The following LARGE1 variants were observed in gnomAD, a reference collection of about 807,000 sequenced individuals.
LARGE1 encodes LARGE xylosyl- and glucuronyltransferase 1.
LARGE1 carries 43 observed loss-of-function variants against 87.6 expected under a neutral mutation model. That is an observed-to-expected ratio of 0.49 (90% CI 0.38 to 0.63). The LOEUF is 0.63. Among genes scored for constraint, LARGE1 ranks in the 30% least tolerant of loss-of-function variants. The probability of loss-of-function intolerance (pLI) is 0.00; values close to 1 mark genes in which losing one functional copy is unlikely to be tolerated. For missense variants in LARGE1, 802 were observed against 1,000.2 expected (o/e 0.80, Z 2.67); for synonymous variants, 434 against 394.6 (o/e 1.10, Z -1.18).
chr22:33,318,816 G>C (rs968741436), intron 10 of LARGE1, among the ~76,000 whole-genome samples: 14 of 151,442 alleles, frequency 9.2e-5, no homozygotes, highest in African/African-American at 3.4e-4. Context: ...TGTTAAATCA[G>C]CCTTGTCTAT....
Position 33,636,883 on chromosome 22 carries a change from A to AT in LARGE1, c.409-10558dup, listed in dbSNP as rs2080284424. Among the ~76,000 whole-genome samples, 5 of 152,250 alleles carry AT rather than the reference A, an allele frequency of 3.3e-5. No homozygotes were observed. In the South Asian group the frequency reaches 1.0e-3, roughly 32 times the overall value. Reference sequence around the variant, plus strand: ...TAACTGAGATGACTCGCGTAAAGGGATTAGAGCCTGGTACCTTGTAAGTAA... The same window carrying AT: ...TAACTGAGATGACTCGCGTAAAGGGATTTAGAGCCTGGTACCTTGTAAGTAA... On this transcript the variant is annotated intron_variant, in intron 3 of 14. Transcript: ENST00000397394.
In LARGE1 at chr22:33,625,885, G is replaced by A. The variant is rs190590958; in HGVS notation, c.491+359C>T. On this transcript the variant is annotated intron_variant, in intron 4 of 14. Transcript: ENST00000397394. Reference sequence around the variant, plus strand: ...GAATGAGGGCCTCACCATAAGAATTGTGGTGGACATAACTCAATCCATAAC... The same window carrying A: ...GAATGAGGGCCTCACCATAAGAATTATGGTGGACATAACTCAATCCATAAC... 3.9e-4 allele frequency among the ~76,000 whole-genome samples: 60 copies of A among 152,276 alleles called. No homozygotes were observed. In the East Asian group the frequency reaches 0.011, roughly 28 times the overall value.
intron 11 of LARGE1, among the ~76,000 whole-genome samples, chr22:33,202,536 C>T (rs545131787): frequency 6.6e-6 from 1 of 152,298 alleles, no homozygotes; most frequent in African/African-American, 2.4e-5. Flanking sequence ...AAGGATGACA[C>T]ATAATTTCCT....
At chr22:33,769,540 T>C (rs1291898137) in intron 1 of LARGE1, among the ~76,000 whole-genome samples, 3 of 152,202 alleles carry the variant, frequency 2.0e-5, no homozygotes, top group African/African-American at 7.2e-5. Context: ...GCAGTCTCAC[T>C]GGATATTCAT....
chr22:33,738,052 G>A (rs1166335989), intron 2 of LARGE1, among the ~76,000 whole-genome samples: 1 of 152,150 alleles, frequency 6.6e-6, no homozygotes, highest in East Asian at 1.9e-4. Flanking sequence ...ATGATCTGGG[G>A]GTGTGGAGGT....
At chr22:33,089,378 C>CTTA in the LARGE1 span, among the ~76,000 whole-genome samples, 20 of 134,594 alleles carry the variant, frequency 1.5e-4, no homozygotes, top group African/African-American at 5.5e-4. Flanking sequence ...TCTCCTTCTT[C>CTTA]TTCTTCTTCC....
intron 2 of LARGE1, among the ~76,000 whole-genome samples, chr22:33,675,335 C>T (rs905935040): frequency 1.7e-5 from 2 of 119,816 alleles, no homozygotes; most frequent in African/African-American, 6.0e-5. Flanking sequence ...AAGAGCAGAA[C>T]CTGACCAAGA....
intron 12 of LARGE1, among the ~76,000 whole-genome samples, chr22:33,296,860 C>T (rs1050023815): frequency 6.6e-6 from 1 of 152,170 alleles, no homozygotes; most frequent in Non-Finnish European, 1.5e-5. Flanking sequence ...TAAGCCACTG[C>T]GCCCAGCCCG....
At chr22:33,585,857 C>G (rs372856500) in intron 5 of LARGE1, among the ~76,000 whole-genome samples, 3 of 152,298 alleles carry the variant, frequency 2.0e-5, no homozygotes, top group East Asian at 1.9e-4. Context: ...GCTCACCACG[C>G]CCGGCTAATT....
chr22:33,568,340 A>T (rs1046173471), intron 5 of LARGE1, among the ~76,000 whole-genome samples: 2 of 152,222 alleles, frequency 1.3e-5, no homozygotes, highest in African/African-American at 4.8e-5. Flanking sequence ...GAGACTAGAG[A>T]TGCTTTATGC....
intron 7 of LARGE1, among the ~76,000 whole-genome samples, chr22:33,420,816 T>TA (rs1416028724): frequency 6.6e-6 from 1 of 152,182 alleles, no homozygotes; most frequent in Non-Finnish European, 1.5e-5. Flanking sequence ...CCAAATACCT[T>TA]ACCTGGGCAA....
chr22:33,841,477 T>C (rs921509751), intron 1 of LARGE1, among the ~76,000 whole-genome samples: 55 of 152,226 alleles, frequency 3.6e-4, no homozygotes, highest in African/African-American at 1.3e-3. Flanking sequence ...TCAGATGCCA[T>C]GCAGTAGCAA....
intron 9 of LARGE1, among the ~76,000 whole-genome samples, chr22:33,349,368 G>A (rs1940136540): frequency 6.6e-6 from 1 of 152,154 alleles, no homozygotes; most frequent in Admixed American, 6.5e-5. Context: ...GTTCACCATG[G>A]AGCCTGCAGC....
intron 5 of LARGE1, among the ~76,000 whole-genome samples, chr22:33,572,778 G>A (rs957930017): frequency 2.0e-5 from 3 of 152,242 alleles, no homozygotes; most frequent in African/African-American, 7.2e-5. Context: ...ACTGAGTCAG[G>A]AGAATCCCTT....
chr22:33,240,355 ATTATAT>A (rs1424116210), intron 11 of LARGE1, among the ~76,000 whole-genome samples: 2 of 152,184 alleles, frequency 1.3e-5, no homozygotes, highest in Non-Finnish European at 2.9e-5. Context: ...ATTTGAAAGA[ATTATAT>A]TTATATGCTT....
chr22:33,400,817 T>C (rs936569393), intron 7 of LARGE1, among the ~76,000 whole-genome samples: 2 of 152,214 alleles, frequency 1.3e-5, no homozygotes, highest in African/African-American at 4.8e-5. Context: ...TGAAAACACA[T>C]TCAGGGAGGT....
At chr22:33,328,580 A>AAATAATAATAATAATAAT (rs143321654) in intron 10 of LARGE1, among the ~76,000 whole-genome samples, 27 of 146,424 alleles carry the variant, frequency 1.8e-4, no homozygotes, top group African/African-American at 4.8e-4. Flanking sequence ...CTCTCTCTCA[A>AAATAATAATAATAATAAT]AATAATAATA....
intron 11 of LARGE1, among the ~76,000 whole-genome samples, chr22:33,315,489 C>G (rs993006166): frequency 1.3e-5 from 2 of 152,208 alleles, no homozygotes; most frequent in African/African-American, 4.8e-5. Flanking sequence ...GTCCCTCTTC[C>G]TGAGGTAATT....
At chr22:33,495,741 A>G (rs2070082855) in intron 6 of LARGE1, among the ~76,000 whole-genome samples, 1 of 152,116 alleles carries the variant, frequency 6.6e-6, no homozygotes, top group African/African-American at 2.4e-5. Flanking sequence ...ACAGAACAAA[A>G]CAAAAAAACT....
Sources: gnomAD v4.1 joint callset for allele counts (sites outside exome capture counted in the v4.1 genomes callset) on GRCh38, gnomAD v4.1.1 for gene constraint, MANE v1.5 for transcripts, NCBI Gene and HGNC (gene_info 2026-07-23, HGNC 2026-07-21) for gene names.